Variants in S100A11 observed in about 807,000 individuals in gnomAD.
S100A11 encodes the protein S100 calcium binding protein A11.
In S100A11, 5 loss-of-function variants were observed where a neutral mutation model predicts 7.4. The observed-to-expected ratio is 0.68, with a 90% CI of 0.35 to 1.42. S100A11 has a LOEUF of 1.42. S100A11 is among the 40% of genes most tolerant of loss of function. The pLI is 0.04. For missense variants in S100A11, 96 were observed against 125.0 expected (o/e 0.77, Z 1.11); for synonymous variants, 47 against 46.6 (o/e 1.01, Z -0.04).
rs1164284353 is a variant in S100A11 at position 152,033,484 on chromosome 1, A to G, written c.156+164T>C. Among the ~76,000 whole-genome samples, 2 of 152,212 alleles carry G rather than the reference A, an allele frequency of 1.3e-5. No homozygotes were observed. The highest frequency in any genetic ancestry group is 2.9e-5 in the Non-Finnish European group (2 of 68,034). On this transcript the variant is annotated intron_variant, in intron 2 of 2. Coordinates refer to ENST00000271638, the MANE Select transcript of S100A11 (RefSeq NM_005620.2). This position sits in a 1 kb window ranked among gnomAD's most constrained non-coding sequence, Gnocchi z 4.0. ...ATTCCATTACGTCATATACCATTTCATATATCTCTCTTCCTAAATGGAAAA... is the reference window on the plus strand; with the variant it reads ...ATTCCATTACGTCATATACCATTTCGTATATCTCTCTTCCTAAATGGAAAA...
At position 152,032,717 on chromosome 1, in the gene S100A11, G is replaced by C. The variant is rs1440984728; in HGVS notation, c.263C>G (p.Ala88Gly). Residue 88 changes from alanine (A) to glycine (G), a missense_variant, in exon 3 of 3, where the codon GCT becomes GGT. Physicochemically the swap from Ala to Gly is moderately conservative, Grantham distance 60 (BLOSUM62 0). Transcript: ENST00000271638. ...SEFLNLIGGL[A>G]MACHDSFLKA... is the part of the protein sequence containing the mutation. ...GAGGAAGGAGTCATGGCAAGCCATA[G>C]CTAGGCCACCAATCAGATTAAGAAA... is the stretch of plus-strand genomic sequence containing the variant. 4.3e-6 allele frequency: 7 copies of C among 1,614,076 alleles called. No individual in the cohort carries two copies. The highest frequency in any genetic ancestry group is 5.9e-6 in the Non-Finnish European group (7 of 1,179,920).
intron 1 of S100A11, among the ~76,000 whole-genome samples, chr1:152,036,240 G>C (rs910964429): frequency 2.0e-5 from 3 of 152,156 alleles, no homozygotes; most frequent in African/African-American, 7.2e-5. Flanking sequence ...TCAACTGGGA[G>C]ATGAAAGGAG....
intron 1 of S100A11, among the ~76,000 whole-genome samples, chr1:152,035,885 T>A (rs918291405): frequency 2.0e-5 from 3 of 152,264 alleles, no homozygotes; most frequent in Non-Finnish European, 2.9e-5. Flanking sequence ...GTAGCAATTT[T>A]AAAAACCTCA....
intron 1 of S100A11, among the ~76,000 whole-genome samples, chr1:152,035,621 G>A (rs941242953): frequency 2.6e-5 from 4 of 152,300 alleles, no homozygotes; most frequent in African/African-American, 9.6e-5. Flanking sequence ...ATAATTTGTA[G>A]AGCTCCAGGG....
rs563260420 is a variant in S100A11 at position 152,033,485 on chromosome 1, T to C, written c.156+163A>G. 1.1e-4 allele frequency among the ~76,000 whole-genome samples: 17 copies of C among 152,354 alleles called. No homozygotes were observed. Among genetic ancestry groups the C allele is most frequent in the African/African-American group, 3.6e-4 (15 of 41,590 alleles). The stretch of plus-strand genomic sequence containing the variant: ...TTCCATTACGTCATATACCATTTCA[T>C]ATATCTCTCTTCCTAAATGGAAAAA... On this transcript the variant is annotated intron_variant, in intron 2 of 2. Coordinates refer to ENST00000271638, the MANE Select transcript of S100A11 (RefSeq NM_005620.2). This position sits in a 1 kb window ranked among gnomAD's most constrained non-coding sequence, Gnocchi z 4.0.
At chr1:152,035,919 C>T (rs1656822306) in intron 1 of S100A11, among the ~76,000 whole-genome samples, 1 of 152,182 alleles carries the variant, frequency 6.6e-6, no homozygotes, top group Non-Finnish European at 1.5e-5. Flanking sequence ...CATTCTTAAC[C>T]AACACCCTCC....
chr1:152,032,728 A>C lies in S100A11; in HGVS notation c.252T>G (p.Ile84Met), dbSNP rs1656763638. Residue 84 changes from isoleucine (I) to methionine (M), a missense_variant, in exon 3 of 3, where the codon ATT (isoleucine) becomes ATG (methionine). Transcript: ENST00000271638. ...CATGGCAAGCCATAGCTAGGCCACC[A>C]ATCAGATTAAGAAATTCTGAGAAAT... is the stretch of plus-strand genomic sequence containing the variant. Reference protein sequence around the residue: ...QLDFSEFLNLIGGLAMACHDS... With the variant: ...QLDFSEFLNLMGGLAMACHDS... The C allele has an allele frequency of 1.5e-5, 24 of 1,613,942 alleles. No homozygotes were observed. In the East Asian group the frequency reaches 5.3e-4, roughly 36 times the overall value.
In S100A11 at chr1:152,032,624, G is replaced by A. The variant is rs3088381; in HGVS notation, c.*38C>T. Reference sequence around the variant, plus strand: ...GAGATGATGACAGAAAGGCTGGAAGGAAAGGGGGTGGGTTTGAAGGCCAGG... The same window carrying A: ...GAGATGATGACAGAAAGGCTGGAAGAAAAGGGGGTGGGTTTGAAGGCCAGG... On this transcript the variant is annotated 3_prime_UTR_variant, in exon 3 of 3. Transcript: ENST00000271638. The A allele has an allele frequency of 1.3e-6, 2 of 1,581,636 alleles. No individual in the cohort carries two copies. Among genetic ancestry groups the A allele is most frequent in the Non-Finnish European group, 1.7e-6 (2 of 1,156,054 alleles).
Position 152,033,513 on chromosome 1 carries a change from C to G in S100A11, c.156+135G>C, listed in dbSNP as rs1656777581. 2 of 768,150 alleles carry G rather than the reference C, an allele frequency of 2.6e-6. No homozygotes were observed. The highest frequency in any genetic ancestry group is 3.5e-5 in the African/African-American group (2 of 57,510). The allele number at this position is 768,150 out of a possible 1,614,324, so 47.6% of individuals were successfully genotyped here. Reference sequence around the variant, plus strand: ...ATCTCTCTTCCTAAATGGAAAAACTCCTGGCTTAGAGTGAGTTAAAATGAA... The same window carrying G: ...ATCTCTCTTCCTAAATGGAAAAACTGCTGGCTTAGAGTGAGTTAAAATGAA... On this transcript the variant is annotated intron_variant, in intron 2 of 2. Coordinates refer to ENST00000271638, the MANE Select transcript of S100A11 (RefSeq NM_005620.2). This position sits in a 1 kb window ranked among gnomAD's most constrained non-coding sequence, Gnocchi z 4.0.
At position 152,032,730 on chromosome 1, in the gene S100A11, T is replaced by A; in HGVS notation, c.250A>T (p.Ile84Phe). Residue 84 changes from isoleucine to phenylalanine, a missense_variant, in exon 3 of 3, where the codon ATT (isoleucine) becomes TTT (phenylalanine). Ile to Phe is a conservative substitution (Grantham distance 21). Coordinates refer to ENST00000271638, the MANE Select transcript of S100A11 (RefSeq NM_005620.2). ...QLDFSEFLNL[I>F]GGLAMACHDS... ...TGGCAAGCCATAGCTAGGCCACCAA[T>A]CAGATTAAGAAATTCTGAGAAATCT... 6.2e-7 allele frequency: 1 copy of A among 1,614,100 alleles called. No homozygotes were observed. Among genetic ancestry groups the A allele is most frequent in the Non-Finnish European group, 8.5e-7 (1 of 1,179,928 alleles).
chr1:152,034,141 T>C (rs1656790624), intron 1 of S100A11, among the ~76,000 whole-genome samples: 3 of 152,232 alleles, frequency 2.0e-5, no homozygotes, highest in Admixed American at 1.3e-4. Context: ...TAACTCTATA[T>C]CCACAAATCC....
chr1:152,033,654 G>C lies in S100A11; in HGVS notation c.150C>G (p.Phe50Leu). 6.2e-7 allele frequency: 1 copy of C among 1,613,264 alleles called. No individual in the cohort carries two copies. The highest frequency in any genetic ancestry group is 8.5e-7 in the Non-Finnish European group (1 of 1,179,752). Residue 50 changes from phenylalanine (F) to leucine (L), a missense_variant, in exon 2 of 3, where the codon TTC (phenylalanine) becomes TTG (leucine). Coordinates refer to ENST00000271638, the MANE Select transcript of S100A11 (RefSeq NM_005620.2). The surrounding 1 kb of genome is among the most constrained non-coding windows in gnomAD (Gnocchi z 4.0). ...GGGAGACAGGGACCAGTACCTTTGT[G>C]AAGGCAGCTAGTTCTGTATTCATGA... ...LSFMNTELAA[F>L]TKNQKDPGVL...
Position 152,032,791 on chromosome 1 carries a change from C to T in S100A11, c.189G>A (p.Met63Ile). Residue 63 changes from methionine to isoleucine, a missense_variant, in exon 3 of 3, where the codon ATG becomes ATA. Physicochemically the swap from Met to Ile is conservative, Grantham distance 10 (BLOSUM62 1). Transcript: ENST00000271638. ...CACTGTTGGTGTCCAGTTTCTTCAT[C>T]ATGCGGTCAAGGACACCAGGGTCCT... Reference protein sequence around the residue: ...NQKDPGVLDRMMKKLDTNSDG... With the variant: ...NQKDPGVLDRIMKKLDTNSDG... 1 of 1,613,834 alleles carries T rather than the reference C, an allele frequency of 6.2e-7. No homozygotes were observed. The highest frequency in any genetic ancestry group is 2.2e-5 in the East Asian group (1 of 44,864).
intron 1 of S100A11, 52 bp downstream of exon 1, chr1:152,036,861 T>C (rs1656844390): frequency 1.3e-6 from 2 of 1,523,150 alleles, no homozygotes; most frequent in African/African-American, 1.4e-5. Flanking sequence ...GGGTTTTTTT[T>C]CTTTTCTTTT....
chr1:152,035,586 T>C (rs1656815246), intron 1 of S100A11, among the ~76,000 whole-genome samples: 2 of 152,214 alleles, frequency 1.3e-5, no homozygotes, highest in South Asian at 4.1e-4. Context: ...GAGACACAAT[T>C]ATCAAATTAC....
At chr1:152,036,256 A>T (rs1395422954) in intron 1 of S100A11, among the ~76,000 whole-genome samples, 1 of 152,192 alleles carries the variant, frequency 6.6e-6, no homozygotes, top group East Asian at 1.9e-4. Context: ...AGGAGATAAG[A>T]AGAGAAAAAT....
In S100A11 at chr1:152,036,924, T is replaced by A. The variant is rs752470106; in HGVS notation, c.-9A>T. On this transcript the variant is annotated 5_prime_UTR_variant, in exon 1 of 3. Coordinates refer to ENST00000271638, the MANE Select transcript of S100A11 (RefSeq NM_005620.2). ...AAAGTGAGGCTTACCATGTTGGAGCTGAGCGAGGCGCGGGAGGCTGTGGCT... is the reference window on the plus strand; with the variant it reads ...AAAGTGAGGCTTACCATGTTGGAGCAGAGCGAGGCGCGGGAGGCTGTGGCT... The A allele has an allele frequency of 3.1e-6, 5 of 1,613,504 alleles. No individual in the cohort carries two copies. The Admixed American group carries it at 8.3e-5, about 27-fold the overall frequency.
At chr1:152,035,017 G>A (rs113514388) in intron 1 of S100A11, among the ~76,000 whole-genome samples, 2,875 of 152,282 alleles carry the variant, frequency 0.019, 103 homozygotes, top group African/African-American at 0.066. Flanking sequence ...TCCTAGCTGA[G>A]TCTTGCCTCC....
intron 1 of S100A11, among the ~76,000 whole-genome samples, chr1:152,035,460 G>A (rs938364602): frequency 2.0e-5 from 3 of 152,150 alleles, no homozygotes; most frequent in Non-Finnish European, 4.4e-5. Context: ...ATCAGTCTTG[G>A]TGTAATTTAG....
Sources: allele counts gnomAD v4.1 joint callset (sites outside exome capture counted in the v4.1 genomes callset), GRCh38; gene constraint gnomAD v4.1.1; non-coding constraint Gnocchi (gnomAD v3.1); transcripts MANE v1.5; gene names NCBI Gene and HGNC (gene_info 2026-07-23, HGNC 2026-07-21).